The following SKA1 variants were observed in gnomAD, a reference collection of about 807,000 sequenced individuals.
The protein encoded by SKA1 is SKA complex subunit 1.
A neutral mutation model predicts 31.8 loss-of-function variants in SKA1; 20 were observed. That is an observed-to-expected ratio of 0.63 (90% confidence interval 0.44 to 0.91). The LOEUF (loss-of-function observed/expected upper bound fraction) is 0.91. Ranked by LOEUF, SKA1 falls within the 40% of genes least tolerant of loss-of-function variation. The pLI is 0.00. For missense variants in SKA1, 253 were observed against 298.2 expected, an observed-to-expected ratio of 0.85 and a Z score of 1.12; for synonymous variants, 88 against 100.5, an observed-to-expected ratio of 0.88 and a Z score of 0.74.
At chr18:50,378,875 C>T (rs2041241936) in intron 2 of SKA1, among the ~76,000 whole-genome samples, 1 of 128,840 alleles carries the variant, frequency 7.8e-6, no homozygotes, top group Admixed American at 8.4e-5. Context: ...TAGTGTTGCT[C>T]TATTAGATAG....
In SKA1 at chr18:50,380,203, T is replaced by C; in HGVS notation, c.166T>C (p.Leu56=). ...IIVINELLNK[L]ELEIQYQEQT... ...TGTAATAAATGAACTTCTAAATAAA[T>C]TGGAATTGGAAATTCAGTATCAAGA... The change falls in exon 3 of 7, where the codon TTG becomes CTG. Residue 56 remains leucine, a synonymous_variant. Coordinates refer to ENST00000285116, the MANE Select transcript of SKA1 (RefSeq NM_145060.4). 3.2e-6 allele frequency: 5 copies of C among 1,552,934 alleles called. No individual in the cohort carries two copies. The highest frequency in any genetic ancestry group is 4.3e-6 in the Non-Finnish European group (5 of 1,158,678).
At chr18:50,378,721 A>G (rs1259318812) in intron 2 of SKA1, among the ~76,000 whole-genome samples, 1 of 151,564 alleles carries the variant, frequency 6.6e-6, no homozygotes, top group Non-Finnish European at 1.5e-5. Context: ...CCTAAAATTT[A>G]GGTGACTAAA....
chr18:50,388,232 C>T (rs991842074), intron 5 of SKA1, among the ~76,000 whole-genome samples: 2 of 152,150 alleles, frequency 1.3e-5, no homozygotes, highest in Non-Finnish European at 2.9e-5. Context: ...GGACTACAGG[C>T]GCCCGCCGCC....
chr18:50,378,006 A>T (rs1354736869), intron 2 of SKA1, among the ~76,000 whole-genome samples: 12 of 152,206 alleles, frequency 7.9e-5, no homozygotes, highest in Non-Finnish European at 1.5e-5. Context: ...CCCTCAGCTC[A>T]TGAGTACTTG....
At chr18:50,386,291 A>AT (rs1054416243) in intron 5 of SKA1, among the ~76,000 whole-genome samples, 9 of 152,226 alleles carry the variant, frequency 5.9e-5, no homozygotes, top group East Asian at 1.9e-4. Flanking sequence ...CTGTTTTGCA[A>AT]TTTTTTTATT....
At chr18:50,384,456 C>T (rs1018018226) in intron 4 of SKA1, among the ~76,000 whole-genome samples, 1 of 152,024 alleles carries the variant, frequency 6.6e-6, no homozygotes, top group Admixed American at 6.6e-5. Context: ...CGGCTTCTCA[C>T]TCGCTGTAAA....
intron 3 of SKA1, among the ~76,000 whole-genome samples, chr18:50,381,412 A>G (rs2041260989): frequency 6.6e-6 from 1 of 152,218 alleles, no homozygotes; most frequent in Non-Finnish European, 1.5e-5. Context: ...CCATGCTGTG[A>G]TAATATGGTT....
chr18:50,388,102 T>A (rs1008198344), intron 5 of SKA1, among the ~76,000 whole-genome samples: 1 of 152,206 alleles, frequency 6.6e-6, no homozygotes. Context: ...TTTGTTTTGT[T>A]TTTGAGATGG....
At chr18:50,385,085 GAA>G in intron 4 of SKA1, 129 bp from the exon 5 acceptor site, 1 of 709,648 alleles carries the variant, frequency 1.4e-6, no homozygotes, top group East Asian at 2.8e-5. Flanking sequence ...CATAGGGATA[GAA>G]AAAAATGTTG....
rs1568328805 is a variant in SKA1 at position 50,381,722 on chromosome 18, G to GTTTTTTTTTTTTTTTTTTT, written c.214-407_214-406insTTTTTTTTTTTTTTTTTTT. 2.4e-5 allele frequency among the ~76,000 whole-genome samples: 3 copies of GTTTTTTTTTTTTTTTTTTT among 125,884 alleles called. 1 individual carries two copies. 82.6% of individuals were successfully genotyped at this position (125,884 alleles called of 152,430 possible). Reference sequence around the variant, plus strand: ...GCATTTTCGGTACTCCAGTCAATGTGGTTTTTTTTTTTTTTTTTTTTTGAG... The same window carrying GTTTTTTTTTTTTTTTTTTT: ...GCATTTTCGGTACTCCAGTCAATGTGTTTTTTTTTTTTTTTTTTTGTTTTTTTTTTTTTTTTTTTTTGAG... On this transcript the variant is annotated intron_variant, in intron 3 of 6. Coordinates refer to ENST00000285116, the MANE Select transcript of SKA1 (RefSeq NM_145060.4).
At chr18:50,391,547 A>G (rs1236051860) in intron 6 of SKA1, among the ~76,000 whole-genome samples, 2 of 152,218 alleles carry the variant, frequency 1.3e-5, no homozygotes, top group African/African-American at 2.4e-5. Context: ...AGCACCCACA[A>G]AATAAATTCT....
intron 3 of SKA1, among the ~76,000 whole-genome samples, chr18:50,381,926 A>G (rs1432036835): frequency 1.3e-5 from 2 of 151,916 alleles, no homozygotes; most frequent in Non-Finnish European, 1.5e-5. Context: ...GGGGTTTCAC[A>G]GTGTTAGTGG....
intron 5 of SKA1, among the ~76,000 whole-genome samples, chr18:50,388,552 T>C (rs1025093509): frequency 3.9e-5 from 6 of 152,190 alleles, no homozygotes; most frequent in African/African-American, 1.4e-4. Context: ...AAGCATTCTA[T>C]AATCTTATGA....
Position 50,392,413 on chromosome 18 carries a change from G to GGGGCTT in SKA1, c.*167_*168insGGCTTG. ...ACCCAGGGGCTTGCTTTGTCACGCA[G>GGGGCTT]GCTAGAGTGCAGTGGCGCAAACATG... On this transcript the variant is annotated 3_prime_UTR_variant, in exon 7 of 7. Transcript: ENST00000285116. The GGGGCTT allele has an allele frequency of 4.8e-6, 2 of 413,740 alleles. No individual in the cohort carries two copies. The highest frequency in any genetic ancestry group is 7.8e-6 in the Non-Finnish European group (2 of 256,388). The allele number at this position is 413,740 out of a possible 1,614,324, so 25.6% of individuals were successfully genotyped here. A position where few individuals can be genotyped will look rare whatever the true frequency, so the allele number is the denominator to read the frequency against.
chr18:50,393,134 A>G lies in SKA1; in HGVS notation c.*887A>G, dbSNP rs1380864387. The G allele has an allele frequency of 6.6e-6, 1 of 152,234 alleles. No individual in the cohort carries two copies. Among genetic ancestry groups the G allele is most frequent in the African/African-American group, 2.4e-5 (1 of 41,442 alleles). The allele number at this position is 152,234 out of a possible 1,614,324, so 9.4% of individuals were successfully genotyped here. Reference sequence around the variant, plus strand: ...ATGGAACTAAAAAATGCTCATGTCCAGTTTTTGTGTTGAGTGAACAATGCT... The same window carrying G: ...ATGGAACTAAAAAATGCTCATGTCCGGTTTTTGTGTTGAGTGAACAATGCT... On this transcript the variant is annotated 3_prime_UTR_variant, in exon 7 of 7. Coordinates refer to ENST00000285116, the MANE Select transcript of SKA1 (RefSeq NM_145060.4).
rs556896444 is a variant in SKA1, at chr18:50,392,171, T to C, written c.692T>C (p.Leu231Ser). The change falls in exon 7 of 7, where the codon TTA becomes TCA. Residue 231 changes from leucine (L) to serine (S), a missense_variant. Coordinates refer to ENST00000285116, the MANE Select transcript of SKA1 (RefSeq NM_145060.4). ...AAAGCTGACAAGAAGTTTCACGTGT[T>C]ACTGAATATTTTACGACACTGCCGG... ...TLKADKKFHV[L>S]LNILRHCRRL... 48 of 1,611,096 alleles carry C rather than the reference T, an allele frequency of 3.0e-5. 2 individuals carry two copies. The South Asian group carries it at 5.1e-4, about 17-fold the overall frequency.
intron 4 of SKA1, 83 bp downstream of exon 4, chr18:50,382,309 A>G (rs2149320462): frequency 2.5e-6 from 2 of 799,906 alleles, no homozygotes; most frequent in Non-Finnish European, 3.8e-6. Context: ...GTTCTTTCAT[A>G]TACTTGCAGT....
chr18:50,380,532 G>A (rs1220538734), intron 3 of SKA1, among the ~76,000 whole-genome samples: 3 of 152,174 alleles, frequency 2.0e-5, no homozygotes, highest in Non-Finnish European at 2.9e-5. Flanking sequence ...TAGTAGAGTG[G>A]TATGTAAAGA....
At chr18:50,378,046 C>T (rs1033826784) in intron 2 of SKA1, among the ~76,000 whole-genome samples, 3 of 152,118 alleles carry the variant, frequency 2.0e-5, no homozygotes, top group Admixed American at 2.0e-4. Flanking sequence ...TTCTTGATTC[C>T]CATGTTAGTA....
Sources: gnomAD v4.1 joint callset for allele counts (sites outside exome capture counted in the v4.1 genomes callset) on GRCh38, gnomAD v4.1.1 for gene constraint, MANE v1.5 for transcripts, NCBI Gene and HGNC (gene_info 2026-07-23, HGNC 2026-07-21) for gene names.